Variants in D2HGDH observed in about 807,000 individuals in gnomAD.
D2HGDH encodes D-2-hydroxyglutarate dehydrogenase, mitochondrial.
A neutral mutation model predicts 46.9 loss-of-function variants in D2HGDH; 31 were observed. The ratio of observed to expected loss-of-function variants is 0.66; its 90% CI spans 0.50 to 0.89. D2HGDH has a LOEUF of 0.89. D2HGDH is among the 40% of genes least tolerant of loss of function. The pLI is 0.00. For missense variants in D2HGDH, 698 were observed against 720.8 expected (o/e 0.97, Z 0.36); for synonymous variants, 364 against 332.6 (o/e 1.09, Z -1.03).
chr2:241,759,539 T>G (rs2125165556), intron 9 of D2HGDH, among the ~76,000 whole-genome samples: 1 of 152,332 alleles, frequency 6.6e-6, no homozygotes, highest in East Asian at 1.9e-4. Context: ...TTTTCCATCC[T>G]TAGTGATTTA....
At position 241,768,160 on chromosome 2, in the gene D2HGDH, G is replaced by A; in HGVS notation, c.*191G>A. Reference sequence around the variant, plus strand: ...GGCAGGAGCATCTGGCAGAGTGGGGGGCGTGGCAGGCACCCTCCTTTGCAG... The same window carrying A: ...GGCAGGAGCATCTGGCAGAGTGGGGAGCGTGGCAGGCACCCTCCTTTGCAG... On this transcript the variant is annotated 3_prime_UTR_variant, in exon 10 of 10. Transcript: ENST00000321264. The A allele has an allele frequency of 1.2e-6, 1 of 862,398 alleles. No homozygotes were observed. The highest frequency in any genetic ancestry group is 1.7e-6 in the Non-Finnish European group (1 of 578,380). The allele number at this position is 862,398 out of a possible 1,614,324, so 53.4% of individuals were successfully genotyped here. A position where few individuals can be genotyped will look rare whatever the true frequency, so the allele number is the denominator to read the frequency against.
rs6739113 is a variant in D2HGDH, at chr2:241,767,541, C to T, written c.1307-169C>T. On this transcript the variant is annotated intron_variant, in intron 9 of 9. Transcript: ENST00000321264. ...AAGCAGGGAGAAGCCAAGGTAGCAG[C>T]GGCCCCAGAGGAGGGGTCGGCACGT... 0.12 allele frequency among the ~76,000 whole-genome samples: 17,030 copies of T among 143,540 alleles called. 2,319 individuals are homozygous for T. The highest frequency in any genetic ancestry group is 0.19 in the South Asian group (860 of 4,556). The allele number at this position is 143,540 out of a possible 152,430, so 94.2% of individuals were successfully genotyped here.
chr2:241,759,364 G>A (rs889505082), intron 9 of D2HGDH, among the ~76,000 whole-genome samples: 26 of 152,182 alleles, frequency 1.7e-4, no homozygotes, highest in East Asian at 3.8e-4. Flanking sequence ...CATGAGGTTC[G>A]TCTCTTTGTT....
chr2:241,750,800 T>G (rs1165388443), intron 7 of D2HGDH, among the ~76,000 whole-genome samples: 1 of 152,134 alleles, frequency 6.6e-6, no homozygotes, highest in East Asian at 1.9e-4. Flanking sequence ...CTCAGCAGCC[T>G]CCACCTCCCG....
chr2:241,755,078 C>G (rs775631227), intron 8 of D2HGDH: 35 of 1,303,504 alleles, frequency 2.7e-5, no homozygotes, highest in Non-Finnish European at 9.1e-6. Context: ...CAAGCAAAAG[C>G]CACGCAAACC....
intron 9 of D2HGDH, among the ~76,000 whole-genome samples, chr2:241,761,375 C>T (rs912729065): frequency 1.3e-5 from 2 of 152,036 alleles, no homozygotes; most frequent in African/African-American, 2.4e-5. Context: ...CCCATCTCTA[C>T]TAAAAATACA....
rs138533967 is a variant in D2HGDH at position 241,759,304 on chromosome 2, T to C, written c.1306+3290T>C. Reference sequence around the variant, plus strand: ...ATCTGCTGACAACAGACTAATCTGTTCCTCCTGTAGCTTTGCCAGTTCTGG... The same window carrying C: ...ATCTGCTGACAACAGACTAATCTGTCCCTCCTGTAGCTTTGCCAGTTCTGG... On this transcript the variant is annotated intron_variant, in intron 9 of 9. Coordinates refer to ENST00000321264, the MANE Select transcript of D2HGDH (RefSeq NM_152783.5). Among the ~76,000 whole-genome samples the C allele has an allele frequency of 5.8e-3, 887 of 152,284 alleles. 1 individual carries two copies. Among genetic ancestry groups the C allele is most frequent in the South Asian group, 0.021 (101 of 4,826 alleles).
intron 9 of D2HGDH, among the ~76,000 whole-genome samples, chr2:241,765,130 G>A (rs905945186): frequency 1.3e-5 from 2 of 152,244 alleles, no homozygotes; most frequent in African/African-American, 4.8e-5. Flanking sequence ...GCTGCCCTGG[G>A]CGCCACTGCG....
chr2:241,755,257 T>TC, intron 8 of D2HGDH: 1 of 1,251,986 alleles, frequency 8.0e-7, no homozygotes, highest in South Asian at 1.3e-5. Flanking sequence ...ACCCACCATG[T>TC]CCTTCCCTCC....
chr2:241,739,991 C>A (rs898870387), intron 2 of D2HGDH, among the ~76,000 whole-genome samples: 2 of 152,078 alleles, frequency 1.3e-5, no homozygotes, highest in African/African-American at 2.4e-5. Flanking sequence ...CTAAAAATAT[C>A]AAAATTAGCC....
At chr2:241,756,926 C>T (rs1242160250) in intron 9 of D2HGDH, among the ~76,000 whole-genome samples, 1 of 152,092 alleles carries the variant, frequency 6.6e-6, no homozygotes, top group Non-Finnish European at 1.5e-5. Context: ...GGCTTTGGGG[C>T]CTGACAGATA....
chr2:241,756,040 CCT>C, intron 9 of D2HGDH, 26 bp downstream of exon 9: 2 of 1,584,270 alleles, frequency 1.3e-6, no homozygotes, highest in Non-Finnish European at 1.7e-6. Context: ...GGGCCGCGGC[CCT>C]GTGTGTGCTG....
At chr2:241,756,137 C>T (rs376008448) in intron 9 of D2HGDH, 123 bp downstream of exon 9, 61 of 1,350,058 alleles carry the variant, frequency 4.5e-5, no homozygotes, top group East Asian at 2.3e-4. Flanking sequence ...GCATATCTCC[C>T]GTAGACACTG....
intron 7 of D2HGDH, among the ~76,000 whole-genome samples, chr2:241,750,962 T>C (rs573659167): frequency 1.3e-5 from 2 of 152,342 alleles, no homozygotes; most frequent in South Asian, 4.1e-4. Flanking sequence ...TTTGCCGTGT[T>C]GTCCAGGCTG....
chr2:241,756,530 C>A (rs1698199613), intron 9 of D2HGDH, among the ~76,000 whole-genome samples: 1 of 152,026 alleles, frequency 6.6e-6, no homozygotes, highest in Non-Finnish European at 1.5e-5. Context: ...CCTATCAGTT[C>A]TTTTTTTTGA....
At chr2:241,745,202 T>C (rs1371064193) in intron 6 of D2HGDH, among the ~76,000 whole-genome samples, 3 of 152,168 alleles carry the variant, frequency 2.0e-5, no homozygotes, top group Non-Finnish European at 4.4e-5. Context: ...AGGGACATGC[T>C]GTCATTTGGC....
At chr2:241,736,372 G>A (rs189155698) in intron 2 of D2HGDH, 33 of 152,394 alleles carry the variant, frequency 2.2e-4, no homozygotes, top group African/African-American at 2.4e-4. Flanking sequence ...AACCCCACAA[G>A]TTTGTTCTCT....
At chr2:241,739,824 C>T (rs186409379) in intron 2 of D2HGDH, among the ~76,000 whole-genome samples, 3 of 152,332 alleles carry the variant, frequency 2.0e-5, no homozygotes, top group Non-Finnish European at 2.9e-5. Flanking sequence ...TCAGTGAGAG[C>T]GAAGGGAAAG....
intron 1 of D2HGDH, 82 bp downstream of exon 1, chr2:241,734,777 A>T: frequency 6.4e-6 from 1 of 156,958 alleles, no homozygotes. Flanking sequence ...GCGGGGCGCG[A>T]TCTCGGGCGC....
Sources: gnomAD v4.1 joint callset for allele counts (sites outside exome capture counted in the v4.1 genomes callset) on GRCh38, gnomAD v4.1.1 for gene constraint, MANE v1.5 for transcripts, NCBI Gene and HGNC (gene_info 2026-07-23, HGNC 2026-07-21) for gene names.